The following RAB40C variants were observed in gnomAD, a reference collection of about 807,000 sequenced individuals.
RAB40C encodes ras-related protein Rab-40C.
A neutral mutation model predicts 28.1 loss-of-function variants in RAB40C; 8 were observed. The observed-to-expected ratio is 0.28, with a 90% CI of 0.17 to 0.51. The LOEUF is 0.51. Ranked by LOEUF, RAB40C falls within the 20% of genes least tolerant of loss-of-function variation. The pLI is 0.97. For missense variants in RAB40C, 288 were observed against 405.9 expected, an observed-to-expected ratio of 0.71 and a Z score of 2.50; for synonymous variants, 201 against 171.7, an observed-to-expected ratio of 1.17 and a Z score of -1.34.
chr16:592,056 G>A (rs927087962), intron 1 of RAB40C, among the ~76,000 whole-genome samples: 5 of 152,220 alleles, frequency 3.3e-5, no homozygotes, highest in Non-Finnish European at 7.3e-5. Context: ...GGACCCAGCC[G>A]AATGGGATGT....
chr16:627,976 C>T lies in RAB40C; in HGVS notation c.*354C>T, dbSNP rs1015957735. On this transcript the variant is annotated 3_prime_UTR_variant, in exon 6 of 6. Transcript: ENST00000248139. Reference sequence around the variant, plus strand: ...ATTTTTAAGGGGCCTTCAGGGAAGCCTGGGTGTGGCCCGGTGGTGGTGCAC... The same window carrying T: ...ATTTTTAAGGGGCCTTCAGGGAAGCTTGGGTGTGGCCCGGTGGTGGTGCAC... 1 of 230,672 alleles carries T rather than the reference C, an allele frequency of 4.3e-6. No homozygotes were observed. The highest frequency in any genetic ancestry group is 8.8e-5 in the East Asian group (1 of 11,360). The allele number at this position is 230,672 out of a possible 1,614,324, so 14.3% of individuals were successfully genotyped here. A position where few individuals can be genotyped will look rare whatever the true frequency, so the allele number is the denominator to read the frequency against.
rs60094426 is a variant in RAB40C, at chr16:601,815, T to TAAAAA, written c.142+11408_142+11412dup. Among the ~76,000 whole-genome samples, 138 of 27,194 alleles carry TAAAAA rather than the reference T, an allele frequency of 5.1e-3. 5 individuals are homozygous for TAAAAA. The highest frequency in any genetic ancestry group is 0.017 in the Admixed American group (32 of 1,914). The allele number at this position is 27,194 out of a possible 152,430, so 17.8% of individuals were successfully genotyped here. A position where few individuals can be genotyped will look rare whatever the true frequency, so the allele number is the denominator to read the frequency against. ...AAGGCCCTATCCCTGCAAAAAAAAG[T>TAAAAA]AAAAAAAAAAAAAAAAAAAAAAAAA... is the stretch of plus-strand genomic sequence containing the variant. On this transcript the variant is annotated intron_variant, in intron 1 of 5. Transcript: ENST00000248139.
intron 1 of RAB40C, among the ~76,000 whole-genome samples, chr16:595,468 G>C (rs540461388): frequency 6.6e-6 from 1 of 152,304 alleles, no homozygotes. Context: ...TGCTTCTGCT[G>C]CACCGCGCAC....
intron 3 of RAB40C, 93 bp from the exon 4 acceptor site, chr16:625,339 C>A: frequency 6.5e-7 from 1 of 1,547,030 alleles, no homozygotes; most frequent in Non-Finnish European, 8.8e-7. Flanking sequence ...TTGGCCCTGC[C>A]CGGGAACTGA....
chr16:596,251 G>A (rs551507778), intron 1 of RAB40C: 10 of 454,342 alleles, frequency 2.2e-5, no homozygotes, highest in African/African-American at 2.0e-4. Flanking sequence ...TGAGAGGTGG[G>A]CGGGAAGGAC....
chr16:591,519 C>A (rs555822898), intron 1 of RAB40C, among the ~76,000 whole-genome samples: 2 of 152,084 alleles, frequency 1.3e-5, no homozygotes, highest in African/African-American at 4.8e-5. Flanking sequence ...AGGGAGTCAA[C>A]GCTTTGTGCT....
rs996550491 is a variant in RAB40C, at chr16:627,822, C to T, written c.*200C>T. On this transcript the variant is annotated 3_prime_UTR_variant, in exon 6 of 6. Coordinates refer to ENST00000248139, the MANE Select transcript of RAB40C (RefSeq NM_021168.5). ...CGGCAGGCGGGAGGAGGGGGCGCGGCTGGGCTGCTGGTGCTTCCGGGAATC... is the reference window on the plus strand; with the variant it reads ...CGGCAGGCGGGAGGAGGGGGCGCGGTTGGGCTGCTGGTGCTTCCGGGAATC... The T allele has an allele frequency of 5.4e-6, 3 of 551,554 alleles. No homozygotes were observed. The highest frequency in any genetic ancestry group is 3.9e-5 in the African/African-American group (2 of 51,644). The allele number at this position is 551,554 out of a possible 1,614,324, so 34.2% of individuals were successfully genotyped here.
intron 1 of RAB40C, among the ~76,000 whole-genome samples, chr16:607,592 A>G (rs2036388318): frequency 6.6e-6 from 1 of 151,700 alleles, no homozygotes; most frequent in Non-Finnish European, 1.5e-5. Flanking sequence ...TCACAAGGTC[A>G]GGAGATGGAG....
chr16:618,282 C>A, intron 3 of RAB40C, 22 bp downstream of exon 3: 1 of 1,591,138 alleles, frequency 6.3e-7, no homozygotes, highest in Non-Finnish European at 8.5e-7. Context: ...ACCGCTCTTT[C>A]CATTGCTTTT....
intron 5 of RAB40C, among the ~76,000 whole-genome samples, chr16:626,735 C>T (rs538884118): frequency 2.6e-5 from 4 of 152,272 alleles, no homozygotes; most frequent in East Asian, 3.9e-4. Flanking sequence ...GTCAGGACTT[C>T]GAGACCAGCC....
In RAB40C at chr16:623,129, A is replaced by AG. The variant is rs769670603; in HGVS notation, c.265-2300dup. The stretch of plus-strand genomic sequence containing the variant: ...AGGGCAGCAGCCGGGAGGTGTGGCC[A>AG]GGGCCCCCCGCGTCACAGCACACTT... On this transcript the variant is annotated intron_variant, in intron 3 of 5. Transcript: ENST00000248139. Among the ~76,000 whole-genome samples, 4 of 152,116 alleles carry AG rather than the reference A, an allele frequency of 2.6e-5. 1 individual carries two copies. Among genetic ancestry groups the AG allele is most frequent in the Non-Finnish European group, 1.5e-5 (1 of 68,016 alleles).
intron 1 of RAB40C, 126 bp downstream of exon 1, chr16:590,559 C>A: frequency 8.1e-7 from 1 of 1,234,886 alleles, no homozygotes; most frequent in Non-Finnish European, 1.1e-6. Context: ...CTTTGCCTGG[C>A]TTCCAGACTC....
At chr16:622,651 G>C (rs747422428) in intron 3 of RAB40C, among the ~76,000 whole-genome samples, 1 of 152,194 alleles carries the variant, frequency 6.6e-6, no homozygotes, top group Non-Finnish European at 1.5e-5. Flanking sequence ...AGAACTAGGT[G>C]TGCACCACCG....
chr16:623,991 G>T (rs774803972), intron 3 of RAB40C: 101 of 985,272 alleles, frequency 1.0e-4, no homozygotes, highest in Non-Finnish European at 1.2e-4. Flanking sequence ...ACCTCACCTG[G>T]GTTGCACATC....
intron 5 of RAB40C, 43 bp from the exon 6 acceptor site, chr16:627,299 C>T: frequency 6.4e-7 from 1 of 1,573,946 alleles, no homozygotes; most frequent in Non-Finnish European, 8.7e-7. Flanking sequence ...ACAGGGCCTC[C>T]TCCCCCACAG....
In RAB40C at chr16:627,304, C is replaced by T. The variant is rs1488497062; in HGVS notation, c.566-38C>T. On this transcript the variant is annotated intron_variant, in intron 5 of 5. Transcript: ENST00000248139. Reference sequence around the variant, plus strand: ...GTCTCCCTGCACAGGGCCTCCTCCCCCACAGCCCCATGGTCTGACACCCCC... The same window carrying T: ...GTCTCCCTGCACAGGGCCTCCTCCCTCACAGCCCCATGGTCTGACACCCCC... 4 of 1,586,134 alleles carry T rather than the reference C, an allele frequency of 2.5e-6. No individual in the cohort carries two copies. In the African/African-American group the frequency reaches 4.0e-5, roughly 16 times the overall value.
intron 3 of RAB40C, among the ~76,000 whole-genome samples, chr16:621,056 T>C (rs932774892): frequency 6.6e-6 from 1 of 152,264 alleles, no homozygotes; most frequent in Non-Finnish European, 1.5e-5. Flanking sequence ...TGTCTTTGTT[T>C]TGTCTTGTTA....
chr16:608,508 C>T (rs1471823281), intron 1 of RAB40C, among the ~76,000 whole-genome samples: 1 of 152,202 alleles, frequency 6.6e-6, no homozygotes, highest in Non-Finnish European at 1.5e-5. Flanking sequence ...AATCTGTGGC[C>T]CTCAGCGCCA....
At position 600,683 on chromosome 16, in the gene RAB40C, C is replaced by T. The variant is rs564713991; in HGVS notation, c.142+10250C>T. On this transcript the variant is annotated intron_variant, in intron 1 of 5. Transcript: ENST00000248139. ...GGAGAATCGCTTGAACCTGGGGAGG[C>T]GGAGGTTGCAGTGAGCCGAGTTTGC... Among the ~76,000 whole-genome samples the T allele has an allele frequency of 1.2e-3, 185 of 152,242 alleles. 3 individuals carry two copies. Among genetic ancestry groups the T allele is most frequent in the African/African-American group, 3.9e-3 (160 of 41,546 alleles).
Sources: gnomAD v4.1 joint callset for allele counts (sites outside exome capture counted in the v4.1 genomes callset) on GRCh38, gnomAD v4.1.1 for gene constraint, MANE v1.5 for transcripts, NCBI Gene and HGNC (gene_info 2026-07-23, HGNC 2026-07-21) for gene names.